DNAI3: variants seen among roughly 807,000 people sequenced by gnomAD.
The protein encoded by DNAI3 is WD repeat domain 63.
A neutral mutation model predicts 115.5 loss-of-function variants in DNAI3; 83 were observed. That is an observed-to-expected ratio of 0.72 (90% CI 0.60 to 0.86). The LOEUF (loss-of-function observed/expected upper bound fraction) is 0.86. DNAI3 is among the 40% of genes least tolerant of loss of function. The probability of loss-of-function intolerance (pLI) is 0.00; values close to 1 mark genes in which losing one functional copy is unlikely to be tolerated. For missense variants in DNAI3, 1,004 were observed against 1,075.8 expected (o/e 0.93, Z 0.93); for synonymous variants, 320 against 347.0 (o/e 0.92, Z 0.86).
At chr1:85,098,318 T>A (rs1655187786) in intron 12 of DNAI3, among the ~76,000 whole-genome samples, 1 of 152,218 alleles carries the variant, frequency 6.6e-6, no homozygotes, top group Non-Finnish European at 1.5e-5. Flanking sequence ...ATAATACTTG[T>A]TAAGTTTAGA....
intron 3 of DNAI3, among the ~76,000 whole-genome samples, chr1:85,077,928 G>A (rs1255051817): frequency 1.3e-5 from 2 of 151,810 alleles, no homozygotes; most frequent in African/African-American, 2.4e-5. Flanking sequence ...TTTAAACAAC[G>A]CTCATTATGT....
intron 20 of DNAI3, among the ~76,000 whole-genome samples, chr1:85,127,837 G>T (rs7543362): frequency 6.6e-6 from 1 of 152,076 alleles, no homozygotes; most frequent in Non-Finnish European, 1.5e-5. Flanking sequence ...TTCTCAGGCC[G>T]GGCATGGTGG....
At chr1:85,119,553 A>T (rs770601485) in intron 17 of DNAI3, among the ~76,000 whole-genome samples, 1 of 152,210 alleles carries the variant, frequency 6.6e-6, no homozygotes, top group Non-Finnish European at 1.5e-5. Flanking sequence ...CCCCCTGCTC[A>T]AACTCTTCAG....
At position 85,103,915 on chromosome 1, in the gene DNAI3, TAA is replaced by T. The variant is rs1443962843; in HGVS notation, c.1480-608_1480-607del. On this transcript the variant is annotated intron_variant, in intron 13 of 22. Coordinates refer to ENST00000294664, the MANE Select transcript of DNAI3 (RefSeq NM_145172.5). The stretch of plus-strand genomic sequence containing the variant: ...ATAATAATAATAATAATAATAATAA[TAA>T]TAATAATAATAATAATTTATGAATA... Among the ~76,000 whole-genome samples the T allele has an allele frequency of 1.7e-4, 25 of 147,520 alleles. No homozygotes were observed. The Admixed American group carries it at 1.7e-3, about 10-fold the overall frequency.
intron 3 of DNAI3, among the ~76,000 whole-genome samples, chr1:85,075,959 T>A (rs1654438671): frequency 6.6e-6 from 1 of 152,178 alleles, no homozygotes; most frequent in African/African-American, 2.4e-5. Context: ...TATAAATGTA[T>A]CATTTAACAG....
Position 85,084,533 on chromosome 1 carries a change from T to G in DNAI3, c.391-13T>G, listed in dbSNP as rs1654737867. The G allele has an allele frequency of 3.6e-6, 5 of 1,392,100 alleles. No homozygotes were observed. In the East Asian group the frequency reaches 1.3e-4, roughly 38 times the overall value. The allele number at this position is 1,392,100 out of a possible 1,614,324, so 86.2% of individuals were successfully genotyped here. On this transcript the variant is annotated splice_polypyrimidine_tract_variant and intron_variant, in intron 5 of 22. Coordinates refer to ENST00000294664, the MANE Select transcript of DNAI3 (RefSeq NM_145172.5). ...TGGGCATACATTGTAGAATGCTATT[T>G]ATTTTACTTTAGCCCCCAGAAGTAC...
At chr1:85,074,525 C>T (rs895103448) in intron 3 of DNAI3, among the ~76,000 whole-genome samples, 1 of 152,202 alleles carries the variant, frequency 6.6e-6, no homozygotes, top group Non-Finnish European at 1.5e-5. Context: ...TCCCTTTATG[C>T]AACTTTCTCT....
rs1656227381 is a variant in DNAI3 at position 85,128,783 on chromosome 1, G to GC, written c.2396dup (p.Ser800PhefsTer4). 6.2e-7 allele frequency: 1 copy of GC among 1,610,632 alleles called. No homozygotes were observed. ...TTAGAAATTCCTTGGACATTAAGTC[G>GC]CCCTTCCACCAATGAGGTTAGTAAC... On this transcript the variant is annotated frameshift_variant, in exon 21 of 23. Coordinates refer to ENST00000294664, the MANE Select transcript of DNAI3 (RefSeq NM_145172.5). LOFTEE classifies it high-confidence loss of function.
At chr1:85,124,426 C>G (rs554887974) in intron 19 of DNAI3, among the ~76,000 whole-genome samples, 175 bp downstream of exon 19, 37 of 151,266 alleles carry the variant, frequency 2.4e-4, no homozygotes, top group Non-Finnish European at 1.5e-5. Flanking sequence ...TTTGAAAACA[C>G]ATTCATTTGT....
chr1:85,099,470 TAA>T (rs1177586802), intron 13 of DNAI3: 1 of 158,454 alleles, frequency 6.3e-6, no homozygotes, highest in Non-Finnish European at 1.4e-5. Context: ...CCCAATGAAA[TAA>T]AAGAGGATAC....
chr1:85,093,621 T>C lies in DNAI3; in HGVS notation c.1021T>C (p.Cys341Arg), dbSNP rs1296482042. ...LHSPTEKMITCVSWHPTIYGL... is the reference protein window; with the variant it reads ...LHSPTEKMITRVSWHPTIYGL... ...TAGCCCAACGGAGAAAATGATTACC[T>C]GTGTCTCATGGCATCCAACTATCTA... The change falls in exon 9 of 23, where the codon TGT becomes CGT. Residue 341 changes from cysteine (C) to arginine (R), a missense_variant. By Grantham distance (180) the Cys-to-Arg change is radical. Transcript: ENST00000294664. 6.8e-6 allele frequency: 11 copies of C among 1,614,156 alleles called. No individual in the cohort carries two copies. Among genetic ancestry groups the C allele is most frequent in the South Asian group, 1.1e-5 (1 of 91,076 alleles).
intron 22 of DNAI3, among the ~76,000 whole-genome samples, chr1:85,131,550 C>CA (rs1656325390): frequency 6.6e-6 from 1 of 150,828 alleles, no homozygotes; most frequent in Admixed American, 6.6e-5. Flanking sequence ...CTAATTAGTG[C>CA]AATAAAAGCA....
intron 14 of DNAI3, among the ~76,000 whole-genome samples, chr1:85,105,528 C>CAAAAAAAAAA (rs755945527): frequency 1.5e-4 from 8 of 51,624 alleles, no homozygotes; most frequent in South Asian, 7.5e-4. Flanking sequence ...AACTCTGTCT[C>CAAAAAAAAAA]AAAAAAAAAA....
intron 8 of DNAI3, among the ~76,000 whole-genome samples, chr1:85,090,675 A>T (rs1654944115): frequency 6.6e-6 from 1 of 152,180 alleles, no homozygotes; most frequent in Non-Finnish European, 1.5e-5. Flanking sequence ...CTTTTTGGAC[A>T]TTTCACTCTT....
chr1:85,099,941 C>A (rs1327460972), intron 13 of DNAI3, among the ~76,000 whole-genome samples: 1 of 152,126 alleles, frequency 6.6e-6, no homozygotes, highest in African/African-American at 2.4e-5. Context: ...GAAACTGGAT[C>A]CCTTCCTTAC....
chr1:85,100,657 TAA>T (rs1351851201), intron 13 of DNAI3, among the ~76,000 whole-genome samples: 1 of 152,122 alleles, frequency 6.6e-6, no homozygotes, highest in Non-Finnish European at 1.5e-5. Flanking sequence ...CATGCTGCTA[TAA>T]AGACACATGC....
intron 20 of DNAI3, among the ~76,000 whole-genome samples, chr1:85,128,361 T>C (rs1469263149): frequency 6.6e-6 from 1 of 152,178 alleles, no homozygotes; most frequent in Non-Finnish European, 1.5e-5. Context: ...AATCTTTCCA[T>C]GTGTTCTCCT....
At chr1:85,080,046 C>CTTTTTTTTTTT (rs35938324) in intron 3 of DNAI3, among the ~76,000 whole-genome samples, 203 of 68,174 alleles carry the variant, frequency 3.0e-3, no homozygotes, top group Middle Eastern at 0.015. Context: ...TTTTCTTTTT[C>CTTTTTTTTTTT]TTTTTTTTTT....
intron 6 of DNAI3, 28 bp downstream of exon 6, chr1:85,084,723 C>G (rs1013973145): frequency 1.4e-6 from 2 of 1,415,528 alleles, no homozygotes; most frequent in East Asian, 2.7e-5. Context: ...GATCTGTAAT[C>G]ATTACCTCCC....
Sources: allele counts gnomAD v4.1 joint callset (sites outside exome capture counted in the v4.1 genomes callset), GRCh38; gene constraint gnomAD v4.1.1; transcripts MANE v1.5; gene names NCBI Gene and HGNC (gene_info 2026-07-23, HGNC 2026-07-21).